CDH23: variants seen among roughly 807,000 people sequenced by gnomAD.
The protein encoded by CDH23 is cadherin-23.
Under a neutral mutation model 317.1 loss-of-function variants are expected in CDH23, and 189 were observed. The ratio of observed to expected loss-of-function variants is 0.60; its 90% CI spans 0.53 to 0.67. CDH23 has a LOEUF of 0.67. CDH23 is among the 30% of genes least tolerant of loss of function. The pLI is 0.00. For synonymous variants in CDH23, 1,839 were observed against 1,876.8 expected (o/e 0.98, Z 0.52); for missense variants, 4,401 against 4,592.4 (o/e 0.96, Z 1.20).
intron 1 of CDH23, among the ~76,000 whole-genome samples, chr10:71,403,283 C>G (rs1022601889): frequency 6.6e-6 from 1 of 151,788 alleles, no homozygotes; most frequent in African/African-American, 2.4e-5. Flanking sequence ...TTGCCGGTAC[C>G]CCTTTCATTT....
chr10:71,577,879 GA>G (rs780041097), intron 8 of CDH23, 34 bp from the exon 9 acceptor site: 2 of 1,539,204 alleles, frequency 1.3e-6, no homozygotes, highest in South Asian at 2.4e-5. Context: ...GCAGCCAGGG[GA>G]CCCAAACTCA....
At chr10:71,503,619 G>A (rs766010261) in intron 3 of CDH23, among the ~76,000 whole-genome samples, 2 of 152,176 alleles carry the variant, frequency 1.3e-5, no homozygotes, top group Non-Finnish European at 2.9e-5. Flanking sequence ...GTGATGGGCA[G>A]GGGGTTGGGG....
At position 71,784,394 on chromosome 10, in the gene CDH23, C is replaced by A. The variant is rs753656026; in HGVS notation, c.5476C>A (p.Arg1826=). Residue 1826 remains arginine (R), a synonymous_variant, in exon 42 of 70, where the codon CGG becomes AGG. Transcript: ENST00000224721. ...CAACCTGACCATCTGTGCCCGTGAC[C>A]GGGGGATGCCCCCACTCAGCTCCAC... ...FYNLTICARD[R]GMPPLSSTML... 3.6e-5 allele frequency: 58 copies of A among 1,613,596 alleles called. No individual in the cohort carries two copies. Among genetic ancestry groups the A allele is most frequent in the East Asian group, 8.9e-5 (4 of 44,890 alleles).
intron 6 of CDH23, among the ~76,000 whole-genome samples, chr10:71,513,171 A>G (rs1294301393): frequency 6.6e-6 from 1 of 152,178 alleles, no homozygotes; most frequent in Non-Finnish European, 1.5e-5. Flanking sequence ...TCGTGTGTAA[A>G]CATCCCTGGT....
chr10:71,574,537 C>G (rs571164399), intron 8 of CDH23, among the ~76,000 whole-genome samples: 20 of 152,284 alleles, frequency 1.3e-4, no homozygotes, highest in Middle Eastern at 6.8e-3. Flanking sequence ...CCTGCTCCCC[C>G]CAAGGACGCC....
chr10:71,398,975 C>G (rs941939409), intron 1 of CDH23, among the ~76,000 whole-genome samples: 1 of 152,206 alleles, frequency 6.6e-6, no homozygotes, highest in African/African-American at 2.4e-5. Flanking sequence ...CACCTCTAAA[C>G]AGCTGGGCTC....
intron 1 of CDH23, among the ~76,000 whole-genome samples, chr10:71,402,703 CTGAGTGTGTG>C (rs1001772293): frequency 1.8e-5 from 2 of 112,718 alleles, no homozygotes; most frequent in Admixed American, 1.0e-4. Context: ...TGAATTCTTC[CTGAGTGTGTG>C]TGTGTGTGTG....
chr10:71,408,041 T>C (rs987443230), intron 1 of CDH23, among the ~76,000 whole-genome samples: 2 of 152,228 alleles, frequency 1.3e-5, no homozygotes, highest in African/African-American at 2.4e-5. Flanking sequence ...TTTTACTAAG[T>C]ATTAATGACT....
intron 12 of CDH23, 147 bp from the exon 13 acceptor site, chr10:71,645,684 A>C: frequency 1.1e-6 from 1 of 896,828 alleles, no homozygotes; most frequent in Non-Finnish European, 1.9e-6. Context: ...TGCTCTGGGA[A>C]AGCCCTGCTC....
chr10:71,532,700 C>CTTTTTTTTTTTTTTTTTTTTTTTTTTT (rs1855446648), intron 6 of CDH23, among the ~76,000 whole-genome samples: 1 of 131,548 alleles, frequency 7.6e-6, no homozygotes, highest in African/African-American at 2.7e-5. Context: ...GGCAAGTTTT[C>CTTTTTTTTTTTTTTTTTTTTTTTTTTT]TTTTGTTTTT....
At chr10:71,691,836 T>C (rs568852976) in intron 20 of CDH23, among the ~76,000 whole-genome samples, 75 of 152,310 alleles carry the variant, frequency 4.9e-4, no homozygotes, top group African/African-American at 1.8e-3. Context: ...TCCCTCCACG[T>C]TGGAAGTCAG....
At chr10:71,777,929 A>G (rs750231505) in intron 39 of CDH23, 28 bp downstream of exon 39, 2 of 1,611,432 alleles carry the variant, frequency 1.2e-6, no homozygotes, top group Admixed American at 3.3e-5. Flanking sequence ...GGATCAAGAC[A>G]AGGGGCGAAA....
chr10:71,787,500 T>C (rs1052088710), intron 44 of CDH23, among the ~76,000 whole-genome samples: 1 of 151,814 alleles, frequency 6.6e-6, no homozygotes, highest in Non-Finnish European at 1.5e-5. Flanking sequence ...ACAGTGAACA[T>C]TGTACCTAAT....
rs140996028 is a variant in CDH23, at chr10:71,491,868, C to T, written c.146-18214C>T. Among the ~76,000 whole-genome samples the T allele has an allele frequency of 4.7e-4, 71 of 152,306 alleles. 1 individual carries two copies. Among genetic ancestry groups the T allele is most frequent in the African/African-American group, 1.5e-3 (64 of 41,564 alleles). On this transcript the variant is annotated intron_variant, in intron 3 of 69. Coordinates refer to ENST00000224721, the MANE Select transcript of CDH23 (RefSeq NM_022124.6). Reference sequence around the variant, plus strand: ...GGTCTAAGGCCCTGTTCAGCTCTGACGTTCTGCGATTCCCACTGGAACCAG... The same window carrying T: ...GGTCTAAGGCCCTGTTCAGCTCTGATGTTCTGCGATTCCCACTGGAACCAG...
intron 3 of CDH23, among the ~76,000 whole-genome samples, chr10:71,492,281 A>T (rs913678469): frequency 6.6e-6 from 1 of 152,176 alleles, no homozygotes; most frequent in Non-Finnish European, 1.5e-5. Context: ...CAGTTCCATG[A>T]TGTGGGGCCT....
At chr10:71,596,535 G>C (rs1475198656) in intron 9 of CDH23, among the ~76,000 whole-genome samples, 1 of 152,148 alleles carries the variant, frequency 6.6e-6, no homozygotes, top group Non-Finnish European at 1.5e-5. Context: ...CATATGGTTG[G>C]TAAAGTGATA....
intron 14 of CDH23, among the ~76,000 whole-genome samples, chr10:71,667,194 G>T (rs1863938195): frequency 6.6e-6 from 1 of 152,174 alleles, no homozygotes; most frequent in Non-Finnish European, 1.5e-5. Context: ...TGCGTGACGG[G>T]AGTGTGGGCG....
chr10:71,508,811 G>A (rs536979002), intron 3 of CDH23, among the ~76,000 whole-genome samples: 11 of 152,300 alleles, frequency 7.2e-5, no homozygotes, highest in South Asian at 2.1e-4. Context: ...GGAAAATGAC[G>A]CGCTGTACAC....
Position 71,509,939 on chromosome 10 carries a change from C to CA in CDH23, c.146-142dup, listed in dbSNP as rs1853861908. 4.7e-6 allele frequency: 4 copies of CA among 850,470 alleles called. No individual in the cohort carries two copies. The South Asian group carries it at 6.4e-5, about 14-fold the overall frequency. 52.7% of individuals were successfully genotyped at this position (850,470 alleles called of 1,614,324 possible). ...CCTGGATCAGAGCTCCCAGATGCGC[C>CA]AGGGCCTTGTGATGATCTGTGGCCT... On this transcript the variant is annotated intron_variant, in intron 3 of 69. Coordinates refer to ENST00000224721, the MANE Select transcript of CDH23 (RefSeq NM_022124.6).
Sources: allele counts gnomAD v4.1 joint callset (sites outside exome capture counted in the v4.1 genomes callset), GRCh38; gene constraint gnomAD v4.1.1; transcripts MANE v1.5; gene names NCBI Gene and HGNC (gene_info 2026-07-23, HGNC 2026-07-21).